The following PRKG1 variants were observed in gnomAD, a reference collection of about 807,000 sequenced individuals.
The protein encoded by PRKG1 is protein kinase cGMP-dependent 1, also known as cGMP-dependent protein kinase 1.
In PRKG1, 35 loss-of-function variants were observed where a neutral mutation model predicts 88.1. The ratio of observed to expected loss-of-function variants is 0.40; its 90% CI spans 0.30 to 0.53. PRKG1 has a LOEUF of 0.53. PRKG1 is among the 20% of genes least tolerant of loss of function. The pLI, the probability that PRKG1 is intolerant of heterozygous loss-of-function variation, is 0.59. For missense variants in PRKG1, 540 were observed against 839.8 expected (o/e 0.64, Z 4.41); for synonymous variants, 303 against 292.5 (o/e 1.04, Z -0.37).
At chr10:52,099,546 A>G (rs903577328) in intron 7 of PRKG1, among the ~76,000 whole-genome samples, 5 of 152,318 alleles carry the variant, frequency 3.3e-5, no homozygotes, top group Admixed American at 2.0e-4. Context: ...AAATACATGT[A>G]ATCCTGGGAG....
chr10:51,564,670 ATTCT>A (rs1358085866), intron 3 of PRKG1, among the ~76,000 whole-genome samples: 1 of 152,140 alleles, frequency 6.6e-6, no homozygotes, highest in Non-Finnish European at 1.5e-5. Flanking sequence ...ATTCAATGAC[ATTCT>A]TTCTTTACGC....
chr10:51,722,797 A>G (rs1304074075), intron 3 of PRKG1, among the ~76,000 whole-genome samples: 1 of 152,242 alleles, frequency 6.6e-6, no homozygotes, highest in African/African-American at 2.4e-5. Flanking sequence ...CAAGGATTAT[A>G]AAAGCATTTA....
chr10:51,483,767 G>C (rs937683490), intron 3 of PRKG1, among the ~76,000 whole-genome samples: 4 of 152,138 alleles, frequency 2.6e-5, no homozygotes, highest in Non-Finnish European at 4.4e-5. Context: ...TATATTTGGA[G>C]TATTCATTAC....
intron 3 of PRKG1, among the ~76,000 whole-genome samples, chr10:51,681,229 CT>C (rs1840842228): frequency 6.6e-6 from 1 of 151,976 alleles, no homozygotes; most frequent in African/African-American, 2.4e-5. Flanking sequence ...TAGTGACAGG[CT>C]AAGTTCTCAA....
rs938808829 is a variant in PRKG1 at position 52,293,461 on chromosome 10, C to A, written c.1963-341C>A. ...AAGAGCCTGCATCGCCAAGTCAATC[C>A]TGAGCCAAAGAACAAAGCTGGAGGC... is the stretch of plus-strand genomic sequence containing the variant. On this transcript the variant is annotated intron_variant, in intron 17 of 17. Coordinates refer to ENST00000373980, the MANE Select transcript of PRKG1 (RefSeq NM_006258.4). 3.9e-5 allele frequency among the ~76,000 whole-genome samples: 6 copies of A among 152,156 alleles called. No homozygotes were observed. The East Asian group carries it at 1.2e-3, about 29-fold the overall frequency.
rs1837463641 is a variant in PRKG1, at chr10:51,185,557, T to C, written c.478+32227T>C. ...AAACTTAAAATATTTTAAAATTCCATGTAGAAAGTCACTATTTTGTTTTGT... is the reference window on the plus strand; with the variant it reads ...AAACTTAAAATATTTTAAAATTCCACGTAGAAAGTCACTATTTTGTTTTGT... On this transcript the variant is annotated intron_variant, in intron 2 of 17. Coordinates refer to ENST00000373980, the MANE Select transcript of PRKG1 (RefSeq NM_006258.4). Among the ~76,000 whole-genome samples, 4 of 152,170 alleles carry C rather than the reference T, an allele frequency of 2.6e-5. No homozygotes were observed. The South Asian group carries it at 8.3e-4, about 32-fold the overall frequency.
At chr10:51,366,925 C>A (rs938018146) in intron 2 of PRKG1, among the ~76,000 whole-genome samples, 1 of 151,828 alleles carries the variant, frequency 6.6e-6, no homozygotes, top group Admixed American at 6.6e-5. Flanking sequence ...CGACCCCCTG[C>A]AAAAATTAAT....
chr10:51,343,970 A>G (rs1372391674), intron 2 of PRKG1, among the ~76,000 whole-genome samples: 1 of 152,232 alleles, frequency 6.6e-6, no homozygotes, highest in African/African-American at 2.4e-5. Flanking sequence ...GTATGCTAGC[A>G]ATACATTTTT....
At chr10:51,736,417 G>T (rs1221693283) in intron 3 of PRKG1, among the ~76,000 whole-genome samples, 2 of 152,050 alleles carry the variant, frequency 1.3e-5, no homozygotes, top group Non-Finnish European at 2.9e-5. Context: ...TGCCCAGTTG[G>T]ATACTTTTAT....
chr10:51,621,062 G>A (rs1397423826), intron 3 of PRKG1, among the ~76,000 whole-genome samples: 2 of 140,964 alleles, frequency 1.4e-5, no homozygotes, highest in Admixed American at 7.2e-5. Flanking sequence ...GTCATAAACT[G>A]ACTCCTATAT....
At chr10:51,703,790 T>C (rs1300119262) in intron 3 of PRKG1, among the ~76,000 whole-genome samples, 1 of 152,066 alleles carries the variant, frequency 6.6e-6, no homozygotes, top group Non-Finnish European at 1.5e-5. Flanking sequence ...TTTGAACAAG[T>C]TTTCCAGGTA....
intron 3 of PRKG1, among the ~76,000 whole-genome samples, chr10:51,601,051 G>A (rs998140972): frequency 1.2e-4 from 18 of 151,510 alleles, no homozygotes; most frequent in African/African-American, 4.4e-4. Context: ...AGGAGGGAAA[G>A]CAACTGGAAA....
At position 51,630,814 on chromosome 10, in the gene PRKG1, C is replaced by G. The variant is rs566515590; in HGVS notation, c.592+162978C>G. Among the ~76,000 whole-genome samples the G allele has an allele frequency of 2.0e-5, 3 of 152,318 alleles. No homozygotes were observed. In the South Asian group the frequency reaches 6.2e-4, roughly 32 times the overall value. ...CATGACAAATGTCCTTAGCAGCAGGCAGGATCATCTGTTTACCAACAGTAA... is the reference window on the plus strand; with the variant it reads ...CATGACAAATGTCCTTAGCAGCAGGGAGGATCATCTGTTTACCAACAGTAA... On this transcript the variant is annotated intron_variant, in intron 3 of 17. Coordinates refer to ENST00000373980, the MANE Select transcript of PRKG1 (RefSeq NM_006258.4).
At chr10:51,492,807 A>C (rs946156039) in intron 3 of PRKG1, among the ~76,000 whole-genome samples, 3 of 152,184 alleles carry the variant, frequency 2.0e-5, no homozygotes, top group African/African-American at 4.8e-5. Context: ...TTAGGATGGC[A>C]TGAAACTTGA....
At chr10:52,125,423 G>T (rs1423593335) in intron 7 of PRKG1, among the ~76,000 whole-genome samples, 1 of 152,138 alleles carries the variant, frequency 6.6e-6, no homozygotes, top group Non-Finnish European at 1.5e-5. Flanking sequence ...TGTCCTAATT[G>T]CTGAATGAGA....
At position 52,280,418 on chromosome 10, in the gene PRKG1, A is replaced by G. The variant is rs539189764; in HGVS notation, c.1404-371A>G. Among the ~76,000 whole-genome samples, 25 of 152,284 alleles carry G rather than the reference A, an allele frequency of 1.6e-4. No individual in the cohort carries two copies. The South Asian group carries it at 5.2e-3, about 32-fold the overall frequency. On this transcript the variant is annotated intron_variant, in intron 12 of 17. Transcript: ENST00000373980. Reference sequence around the variant, plus strand: ...CTCCTTTAAAAAACAAATGCTTGGTAGGCAAGCTCTAAAATAGGATTATTT... The same window carrying G: ...CTCCTTTAAAAAACAAATGCTTGGTGGGCAAGCTCTAAAATAGGATTATTT...
chr10:51,296,447 G>T (rs1840722330), intron 2 of PRKG1, among the ~76,000 whole-genome samples: 1 of 151,806 alleles, frequency 6.6e-6, no homozygotes, highest in Non-Finnish European at 1.5e-5. Context: ...TTTCCTTTAG[G>T]TTATCCAGTT....
In PRKG1 at chr10:50,991,165, C is replaced by A. The variant is rs1351944409; in HGVS notation, c.-214C>A. On this transcript the variant is annotated 5_prime_UTR_variant, in exon 1 of 18. Transcript: ENST00000401604. This position sits in a 1 kb window ranked among gnomAD's most constrained non-coding sequence, Gnocchi z 4.5. ...CCATCGCTTTTAGACTTCTCATCCT[C>A]CCCTCGGTGCTTTTAGTCCATTCAG... 1 of 593,712 alleles carries A rather than the reference C, an allele frequency of 1.7e-6. No homozygotes were observed. Among genetic ancestry groups the A allele is most frequent in the African/African-American group, 2.0e-5 (1 of 49,408 alleles). The allele number at this position is 593,712 out of a possible 1,614,324, so 36.8% of individuals were successfully genotyped here.
At chr10:51,694,713 A>G (rs1276361328) in intron 3 of PRKG1, among the ~76,000 whole-genome samples, 1 of 152,174 alleles carries the variant, frequency 6.6e-6, no homozygotes, top group Non-Finnish European at 1.5e-5. Flanking sequence ...ATTTTATTTT[A>G]GTCTACACAT....
Sources: allele counts gnomAD v4.1 joint callset (sites outside exome capture counted in the v4.1 genomes callset), GRCh38; gene constraint gnomAD v4.1.1; non-coding constraint Gnocchi (gnomAD v3.1); transcripts MANE v1.5; gene names NCBI Gene and HGNC (gene_info 2026-07-23, HGNC 2026-07-21).